Variants in RPAP3 observed in about 807,000 individuals in gnomAD.
The protein encoded by RPAP3 is RNA polymerase II-associated protein 3.
In RPAP3, 58 loss-of-function variants were observed where a neutral mutation model predicts 88.8. The ratio of observed to expected loss-of-function variants is 0.65; its 90% CI spans 0.53 to 0.81. The LOEUF is 0.81. Ranked by LOEUF, RPAP3 falls within the 40% of genes least tolerant of loss-of-function variation. The pLI is 0.00. For synonymous variants in RPAP3, 255 were observed against 259.9 expected (o/e 0.98, Z 0.18); for missense variants, 751 against 764.3 (o/e 0.98, Z 0.20).
At chr12:47,667,892 C>T (rs1938914669) in intron 14 of RPAP3, 41 bp from the exon 15 acceptor site, 2 of 1,224,440 alleles carry the variant, frequency 1.6e-6, no homozygotes, top group Admixed American at 3.8e-5. Context: ...GATGGCAACA[C>T]TTACATATCA....
chr12:47,668,884 T>A (rs1938935938), intron 14 of RPAP3, 32 bp downstream of exon 14: 1 of 1,547,176 alleles, frequency 6.5e-7, no homozygotes, highest in Non-Finnish European at 8.9e-7. Flanking sequence ...ACCTTTTACT[T>A]ACAACAGAAG....
chr12:47,687,747 C>T (rs1939352771), intron 8 of RPAP3, 129 bp downstream of exon 8: 1 of 1,046,392 alleles, frequency 9.6e-7, no homozygotes, highest in Non-Finnish European at 1.3e-6. Context: ...GGCTTTAGTG[C>T]ATTTAATTCC....
intron 6 of RPAP3, among the ~76,000 whole-genome samples, 168 bp downstream of exon 6, chr12:47,690,350 T>C (rs1179659598): frequency 6.6e-6 from 1 of 152,158 alleles, no homozygotes; most frequent in Non-Finnish European, 1.5e-5. Flanking sequence ...TGGCAAATAA[T>C]GCATTCTTTC....
At chr12:47,696,881 C>T (rs993118322) in intron 4 of RPAP3, among the ~76,000 whole-genome samples, 4 of 152,126 alleles carry the variant, frequency 2.6e-5, no homozygotes, top group Non-Finnish European at 5.9e-5. Context: ...TTTGGGGAGT[C>T]AAAAGTTATA....
intron 5 of RPAP3, among the ~76,000 whole-genome samples, chr12:47,693,296 C>A (rs1939463782): frequency 6.6e-6 from 1 of 152,098 alleles, no homozygotes; most frequent in African/African-American, 2.4e-5. Context: ...ATGAAGCAGA[C>A]AGAATGCACA....
chr12:47,681,728 G>C lies in RPAP3; in HGVS notation c.1082C>G (p.Thr361Arg), dbSNP rs185854362. The C allele has an allele frequency of 6.2e-7, 1 of 1,612,348 alleles. No homozygotes were observed. The highest frequency in any genetic ancestry group is 2.2e-5 in the East Asian group (1 of 44,796). ...TGCCTCATTTAGCTTTCCCAAAAAT[G>C]TTCTTGCAGTTCCTCTTCTGGCAAA... ...KAFARRGTAR[T>R]FLGKLNEAKQ... The change falls in exon 10 of 17, where the codon ACA becomes AGA. Residue 361 changes from threonine (T) to arginine (R), a missense_variant. Transcript: ENST00000005386.
intron 16 of RPAP3, among the ~76,000 whole-genome samples, chr12:47,665,275 CTT>C (rs772384915): frequency 5.0e-5 from 7 of 141,280 alleles, no homozygotes; most frequent in African/African-American, 5.2e-5. Context: ...TTTTTTCTTT[CTT>C]TTTTTTTTTT....
chr12:47,685,803 C>A (rs762317117), intron 9 of RPAP3, among the ~76,000 whole-genome samples: 2 of 151,166 alleles, frequency 1.3e-5, no homozygotes, highest in African/African-American at 4.9e-5. Context: ...AAATACAGTA[C>A]AATCACATGC....
At position 47,702,833 on chromosome 12, in the gene RPAP3, G is replaced by T; in HGVS notation, c.8C>A (p.Ser3Ter). Residue 3 changes from serine to a stop codon, truncating the protein, a stop_gained, in exon 2 of 17, where the codon TCA (serine) becomes TAA (stop). Coordinates refer to ENST00000005386, the MANE Select transcript of RPAP3 (RefSeq NM_024604.3). LOFTEE classifies it high-confidence loss of function. MT[S>*]ANKAIELQLQ... Reference sequence around the variant, plus strand: ...TTGTAATTCGATTGCTTTATTTGCTGAAGTCATTATGGTCTGCAGAGTTTT... The same window carrying T: ...TTGTAATTCGATTGCTTTATTTGCTTAAGTCATTATGGTCTGCAGAGTTTT... The T allele has an allele frequency of 6.2e-7, 1 of 1,612,612 alleles. No individual in the cohort carries two copies. The highest frequency in any genetic ancestry group is 1.1e-5 in the South Asian group (1 of 90,708).
chr12:47,684,061 G>A (rs544010643), intron 9 of RPAP3, among the ~76,000 whole-genome samples: 91 of 152,054 alleles, frequency 6.0e-4, no homozygotes, highest in African/African-American at 2.1e-3. Flanking sequence ...ATTTGTTCTT[G>A]GTCAGTCCTC....
intron 10 of RPAP3, among the ~76,000 whole-genome samples, chr12:47,680,003 A>G (rs1157495027): frequency 1.3e-5 from 2 of 152,174 alleles, no homozygotes; most frequent in African/African-American, 2.4e-5. Flanking sequence ...TTTAAAGGTG[A>G]TAAAACTGAG....
At chr12:47,698,552 T>C (rs1939583481) in intron 3 of RPAP3, among the ~76,000 whole-genome samples, 1 of 152,208 alleles carries the variant, frequency 6.6e-6, no homozygotes, top group South Asian at 2.1e-4. Context: ...CTGGCTCTGT[T>C]GCCTAGGCTG....
chr12:47,665,708 A>T (rs1241878909), intron 16 of RPAP3, among the ~76,000 whole-genome samples: 4 of 151,960 alleles, frequency 2.6e-5, no homozygotes, highest in Non-Finnish European at 4.4e-5. Flanking sequence ...TGCCACAATC[A>T]TGGCTCACTG....
At chr12:47,689,093 T>C (rs1939379126) in intron 7 of RPAP3, 32 bp downstream of exon 7, 4 of 956,382 alleles carry the variant, frequency 4.2e-6, no homozygotes, top group Non-Finnish European at 6.5e-6. Context: ...ATAAAGGTCA[T>C]AATACACTTA....
In RPAP3 at chr12:47,702,817, G is replaced by C; in HGVS notation, c.24C>G (p.Ile8Met). MTSANKA[I>M]ELQLQVKQNA... ...TTTGTTTCACTTGTAGTTGTAATTC[G>C]ATTGCTTTATTTGCTGAAGTCATTA... Residue 8 changes from isoleucine (I) to methionine (M), a missense_variant, in exon 2 of 17, where the codon ATC becomes ATG. By Grantham distance (10) the Ile-to-Met change is conservative. Transcript: ENST00000005386. 6.2e-7 allele frequency: 1 copy of C among 1,612,750 alleles called. No individual in the cohort carries two copies. Among genetic ancestry groups the C allele is most frequent in the South Asian group, 1.1e-5 (1 of 90,788 alleles).
At chr12:47,672,571 C>T (rs1939021159) in intron 12 of RPAP3, among the ~76,000 whole-genome samples, 1 of 152,164 alleles carries the variant, frequency 6.6e-6, no homozygotes, top group African/African-American at 2.4e-5. Flanking sequence ...GGCTCAAATC[C>T]AGTCTCAAAG....
At chr12:47,691,236 C>T (rs1051075517) in intron 5 of RPAP3, among the ~76,000 whole-genome samples, 2 of 152,144 alleles carry the variant, frequency 1.3e-5, no homozygotes, top group Non-Finnish European at 2.9e-5. Flanking sequence ...ATTTCAAAAA[C>T]GTTCACGGCA....
At chr12:47,701,362 A>C in intron 3 of RPAP3, 102 bp downstream of exon 3, 1 of 686,244 alleles carries the variant, frequency 1.5e-6, no homozygotes, top group Non-Finnish European at 2.2e-6. Flanking sequence ...AGAAAAACAC[A>C]GGCCATAACT....
At chr12:47,682,370 TAAG>T (rs1201849241) in intron 9 of RPAP3, among the ~76,000 whole-genome samples, 2 of 152,142 alleles carry the variant, frequency 1.3e-5, no homozygotes, top group African/African-American at 4.8e-5. Flanking sequence ...ACAAGGTGCT[TAAG>T]AAGAGCTCAA....
Sources: gnomAD v4.1 joint callset for allele counts (sites outside exome capture counted in the v4.1 genomes callset) on GRCh38, gnomAD v4.1.1 for gene constraint, MANE v1.5 for transcripts, NCBI Gene and HGNC (gene_info 2026-07-23, HGNC 2026-07-21) for gene names.